Variants in CEP41 observed in about 807,000 individuals in gnomAD.
The protein encoded by CEP41 is centrosomal protein 41.
CEP41 carries 32 observed loss-of-function variants against 44.3 expected under a neutral mutation model. The ratio of observed to expected loss-of-function variants is 0.72; its 90% CI spans 0.54 to 0.97. CEP41 has a LOEUF of 0.97. Among genes scored for constraint, CEP41 ranks in the 50% least tolerant of loss-of-function variants. The pLI is 0.00. For missense variants in CEP41, 432 were observed against 455.2 expected, an observed-to-expected ratio of 0.95 and a Z score of 0.46; for synonymous variants, 151 against 168.5, an observed-to-expected ratio of 0.90 and a Z score of 0.80.
At chr7:130,400,375 T>A in intron 9 of CEP41, 121 bp from the exon 10 acceptor site, 1 of 751,808 alleles carries the variant, frequency 1.3e-6, no homozygotes, top group South Asian at 1.5e-5. Context: ...CACAAGGACA[T>A]GAAATCTTTC....
At chr7:130,402,354 CA>C (rs1329117119) in intron 7 of CEP41, among the ~76,000 whole-genome samples, 48 of 120,488 alleles carry the variant, frequency 4.0e-4, no homozygotes, top group East Asian at 5.4e-4. Context: ...AAAAAAAAAA[CA>C]AAAAAAAAAA....
chr7:130,437,764 C>CAAAAAAAAAAAAAAAAAAAAA (rs1171735164), intron 1 of CEP41, among the ~76,000 whole-genome samples: 1 of 32,412 alleles, frequency 3.1e-5, no homozygotes, highest in African/African-American at 1.2e-4. Context: ...AAGACTGTCT[C>CAAAAAAAAAAAAAAAAAAAAA]AAAAAAAAAA....
At chr7:130,428,656 G>A (rs1248369799) in intron 1 of CEP41, among the ~76,000 whole-genome samples, 2 of 151,014 alleles carry the variant, frequency 1.3e-5, no homozygotes, top group African/African-American at 4.9e-5. Context: ...GCTCACACCT[G>A]TAATCCCAGC....
chr7:130,399,811 C>G (rs1796786265), intron 10 of CEP41: 1 of 389,902 alleles, frequency 2.6e-6, no homozygotes, highest in Non-Finnish European at 4.5e-6. Flanking sequence ...CAGAGCAAGA[C>G]TCTGTCTCAA....
intron 2 of CEP41, among the ~76,000 whole-genome samples, chr7:130,423,227 T>A (rs1797562390): frequency 2.0e-5 from 3 of 152,098 alleles, no homozygotes; most frequent in African/African-American, 7.2e-5. Flanking sequence ...GGATTACAGG[T>A]GTGAGCCACT....
At chr7:130,440,048 T>C (rs559859682) in intron 1 of CEP41, among the ~76,000 whole-genome samples, 1 of 152,060 alleles carries the variant, frequency 6.6e-6, no homozygotes, top group African/African-American at 2.4e-5. Context: ...TGAGACAGAG[T>C]CGCTCTTATC....
rs370522984 is a variant in CEP41, at chr7:130,400,760, G to A, written c.704C>T (p.Ala235Val). ...YDDDERLASQ[A>V]ATTMCERGFE... ...TCCACGCTCGCACATGGTGGTGGCC[G>A]CCTGACTGGCCAGCCTTTCATCATC... Residue 235 changes from alanine (A) to valine (V), a missense_variant, in exon 9 of 11, where the codon GCG (alanine) becomes GTG (valine). Transcript: ENST00000223208. The A allele has an allele frequency of 7.4e-6, 12 of 1,613,624 alleles. No individual in the cohort carries two copies. The highest frequency in any genetic ancestry group is 1.7e-5 in the Admixed American group (1 of 59,992).
At chr7:130,441,245 G>A, upstream of CEP41, 1 of 388,450 alleles carries the variant, frequency 2.6e-6, no homozygotes, top group African/African-American at 2.2e-5. Flanking sequence ...CTTAGGGCGG[G>A]AAGAGAGGCG....
chr7:130,411,045 C>G (rs1554419540), intron 5 of CEP41, 77 bp downstream of exon 5: 1 of 1,269,666 alleles, frequency 7.9e-7, no homozygotes, highest in African/African-American at 1.5e-5. Context: ...TGGGAACAGA[C>G]AGCAAATGTG....
chr7:130,399,238 A>C (rs946450506), intron 10 of CEP41, 199 bp from the exon 11 acceptor site: 8 of 640,056 alleles, frequency 1.2e-5, no homozygotes, highest in Non-Finnish European at 1.9e-5. Flanking sequence ...GGGGACAGAA[A>C]TGAAGGGAAA....
intron 2 of CEP41, among the ~76,000 whole-genome samples, chr7:130,424,470 A>T (rs943526661): frequency 2.6e-5 from 4 of 152,266 alleles, no homozygotes; most frequent in African/African-American, 9.6e-5. Flanking sequence ...AATTTACTAT[A>T]CAGCTATAGT....
chr7:130,408,795 G>C (rs1413261052), intron 5 of CEP41, among the ~76,000 whole-genome samples: 2 of 151,854 alleles, frequency 1.3e-5, no homozygotes, highest in African/African-American at 2.4e-5. Flanking sequence ...TTTTATAAAG[G>C]TGAAAAATCA....
chr7:130,397,088 AG>A lies in CEP41; in HGVS notation c.*1802del, dbSNP rs1554414999. 2.2e-6 allele frequency: 1 copy of A among 454,460 alleles called. No homozygotes were observed. The highest frequency in any genetic ancestry group is 2.3e-5 in the Admixed American group (1 of 42,576). 28.2% of individuals were successfully genotyped at this position (454,460 alleles called of 1,614,324 possible). On this transcript the variant is annotated 3_prime_UTR_variant, in exon 11 of 11. Transcript: ENST00000223208. Reference sequence around the variant, plus strand: ...AATGGCTGAAAATCTTGTCCATGCTAGGGGAAAGCTGAGTGTGGAAAAATGT... The same window carrying A: ...AATGGCTGAAAATCTTGTCCATGCTAGGGAAAGCTGAGTGTGGAAAAATGT...
At chr7:130,413,230 A>C (rs1377874546) in intron 3 of CEP41, among the ~76,000 whole-genome samples, 3 of 152,068 alleles carry the variant, frequency 2.0e-5, no homozygotes, top group African/African-American at 7.2e-5. Flanking sequence ...GCCTCAAGTG[A>C]TCCACCCACC....
intron 1 of CEP41, among the ~76,000 whole-genome samples, chr7:130,431,773 GA>G (rs1797828322): frequency 6.6e-6 from 1 of 152,148 alleles, no homozygotes; most frequent in Admixed American, 6.5e-5. Flanking sequence ...AGCATAGCGG[GA>G]AATACGGGGA....
At chr7:130,432,731 G>A (rs1797860066) in intron 1 of CEP41, among the ~76,000 whole-genome samples, 1 of 151,964 alleles carries the variant, frequency 6.6e-6, no homozygotes, top group African/African-American at 2.4e-5. Flanking sequence ...TTGCAATCCA[G>A]CCTGTGTGAC....
At chr7:130,441,118 C>T (rs1554427741), upstream of CEP41, 2 of 806,544 alleles carry the variant, frequency 2.5e-6, no homozygotes, top group Admixed American at 4.0e-5. Context: ...GCCCCGTTTA[C>T]TCTCTCATCT....
At chr7:130,426,508 T>TA (rs1797668147) in intron 2 of CEP41, 1 of 324,258 alleles carries the variant, frequency 3.1e-6, no homozygotes, top group Non-Finnish European at 5.9e-6. Context: ...CCTCAGCTCT[T>TA]AAAGTTTTAA....
chr7:130,412,294 C>T (rs982824222), intron 3 of CEP41, 54 bp from the exon 4 acceptor site: 3 of 870,036 alleles, frequency 3.4e-6, no homozygotes, highest in Admixed American at 3.5e-5. Context: ...TAGAGCTATT[C>T]TTTCTAGTTG....
Sources: gnomAD v4.1 joint callset for allele counts (sites outside exome capture counted in the v4.1 genomes callset) on GRCh38, gnomAD v4.1.1 for gene constraint, MANE v1.5 for transcripts, NCBI Gene and HGNC (gene_info 2026-07-23, HGNC 2026-07-21) for gene names.